The following CCDC149 variants were observed in gnomAD, a reference collection of about 807,000 sequenced individuals.
The protein encoded by CCDC149 is coiled-coil domain containing 149.
A neutral mutation model predicts 59.9 loss-of-function variants in CCDC149; 45 were observed. The ratio of observed to expected loss-of-function variants is 0.75; its 90% CI spans 0.59 to 0.96. CCDC149 has a LOEUF of 0.96. CCDC149 is among the 40% of genes least tolerant of loss of function. The pLI is 0.00. For missense variants in CCDC149, 584 were observed against 664.7 expected (o/e 0.88, Z 1.33); for synonymous variants, 245 against 260.6 (o/e 0.94, Z 0.58).
At chr4:24,833,096 T>C (rs1333871566) in intron 8 of CCDC149, among the ~76,000 whole-genome samples, 1 of 152,094 alleles carries the variant, frequency 6.6e-6, no homozygotes, top group African/African-American at 2.4e-5. Flanking sequence ...TGCTTTGGGT[T>C]TTTTAAAAGC....
At chr4:24,870,844 C>T (rs1482123219) in intron 3 of CCDC149, among the ~76,000 whole-genome samples, 1 of 151,848 alleles carries the variant, frequency 6.6e-6, no homozygotes, top group African/African-American at 2.4e-5. Flanking sequence ...AGATAAATTT[C>T]CCCATCCTGG....
intron 1 of CCDC149, among the ~76,000 whole-genome samples, chr4:24,929,654 T>C (rs1722529010): frequency 1.3e-5 from 2 of 152,196 alleles, no homozygotes; most frequent in South Asian, 4.1e-4. Flanking sequence ...ATCTCTGACT[T>C]TCTGTCCTAA....
intron 1 of CCDC149, among the ~76,000 whole-genome samples, chr4:24,889,822 T>A (rs1053580706): frequency 2.0e-5 from 3 of 152,182 alleles, no homozygotes; most frequent in African/African-American, 7.2e-5. Flanking sequence ...ATTTTATCTG[T>A]CTCAGTAGAA....
intron 1 of CCDC149, among the ~76,000 whole-genome samples, chr4:24,910,457 G>C (rs1721811398): frequency 6.6e-6 from 1 of 152,058 alleles, no homozygotes; most frequent in Non-Finnish European, 1.5e-5. Flanking sequence ...GAGGTGGGGG[G>C]AGCAGGATAC....
chr4:24,835,217 T>C (rs548394913), intron 7 of CCDC149, among the ~76,000 whole-genome samples, 185 bp from the exon 8 acceptor site: 1 of 152,306 alleles, frequency 6.6e-6, no homozygotes, highest in African/African-American at 2.4e-5. Flanking sequence ...AGAAGTTTGT[T>C]TGTTTGTTTT....
chr4:24,959,281 G>GT (rs1560269796), intron 1 of CCDC149, among the ~76,000 whole-genome samples: 1 of 151,836 alleles, frequency 6.6e-6, no homozygotes, highest in African/African-American at 2.4e-5. Flanking sequence ...GTCAAAAAAA[G>GT]TTTTTTTAAT....
intron 3 of CCDC149, among the ~76,000 whole-genome samples, chr4:24,858,775 G>A (rs1233206388): frequency 2.6e-4 from 39 of 152,172 alleles, no homozygotes; most frequent in Non-Finnish European, 1.5e-4. Flanking sequence ...TACAAATACT[G>A]ACAGCTGTTG....
chr4:24,838,648 A>C (rs983781351), intron 4 of CCDC149, among the ~76,000 whole-genome samples: 31 of 152,166 alleles, frequency 2.0e-4, no homozygotes, highest in African/African-American at 7.0e-4. Context: ...TGACATTATC[A>C]AGAGCCTTAA....
intron 1 of CCDC149, among the ~76,000 whole-genome samples, chr4:24,894,555 T>C (rs1394842930): frequency 6.6e-6 from 1 of 152,102 alleles, no homozygotes; most frequent in Non-Finnish European, 1.5e-5. Flanking sequence ...AATGTCATCT[T>C]AAAAGAACCT....
At chr4:24,938,213 G>A (rs796867593) in intron 1 of CCDC149, among the ~76,000 whole-genome samples, 12 of 152,272 alleles carry the variant, frequency 7.9e-5, no homozygotes, top group African/African-American at 2.6e-4. Context: ...AAAGAGAAAC[G>A]ACAGAGAGCC....
At chr4:24,811,206 T>C (rs963722435) in intron 12 of CCDC149, among the ~76,000 whole-genome samples, 2 of 152,228 alleles carry the variant, frequency 1.3e-5, no homozygotes, top group African/African-American at 2.4e-5. Context: ...TCCTATTTTA[T>C]AAAACAAGAT....
chr4:24,839,845 G>A (rs563232733), intron 4 of CCDC149, among the ~76,000 whole-genome samples: 86 of 152,154 alleles, frequency 5.7e-4, no homozygotes, highest in East Asian at 1.9e-4. Context: ...ACACCTCCCC[G>A]TAGGGCAGAT....
At chr4:24,858,610 G>A (rs1253830284) in intron 3 of CCDC149, among the ~76,000 whole-genome samples, 3 of 152,192 alleles carry the variant, frequency 2.0e-5, no homozygotes, top group African/African-American at 4.8e-5. Flanking sequence ...AGGCCGAAAG[G>A]ATATGACAGC....
intron 1 of CCDC149, among the ~76,000 whole-genome samples, chr4:24,946,779 A>T (rs1182768617): frequency 6.6e-6 from 1 of 152,186 alleles, no homozygotes; most frequent in Non-Finnish European, 1.5e-5. Context: ...CAGCTTTGTG[A>T]TTAGTCTAAA....
chr4:24,874,861 T>C (rs1719310415), intron 2 of CCDC149, among the ~76,000 whole-genome samples: 1 of 152,198 alleles, frequency 6.6e-6, no homozygotes, highest in Non-Finnish European at 1.5e-5. Flanking sequence ...AAAACTAGCA[T>C]TATGCAGTTG....
At chr4:24,875,503 ATT>A (rs34722418) in intron 2 of CCDC149, among the ~76,000 whole-genome samples, 11 of 144,158 alleles carry the variant, frequency 7.6e-5, no homozygotes, top group African/African-American at 2.0e-4. Context: ...TTCTCCATGA[ATT>A]TTTTTTTTTT....
intron 1 of CCDC149, among the ~76,000 whole-genome samples, chr4:24,892,705 G>A (rs1720600710): frequency 6.6e-6 from 1 of 152,138 alleles, no homozygotes; most frequent in Non-Finnish European, 1.5e-5. Context: ...CAGTGAGATG[G>A]AAGCAACAGT....
At position 24,942,222 on chromosome 4, in the gene CCDC149, G is replaced by A. The variant is rs1174265069; in HGVS notation, c.-65+37847C>T. Among the ~76,000 whole-genome samples, 7 of 152,232 alleles carry A rather than the reference G, an allele frequency of 4.6e-5. No homozygotes were observed. The East Asian group carries it at 1.3e-3, about 29-fold the overall frequency. ...CATGATCAAGTGGGCTTCATCCCTG[G>A]GATGCAAGGCTGGTTCAACATACAA... is the stretch of plus-strand genomic sequence containing the variant. On this transcript the variant is annotated intron_variant, in intron 1 of 12. Coordinates refer to the CCDC149 transcript ENST00000389609.
chr4:24,844,879 G>A (rs800460), intron 4 of CCDC149, among the ~76,000 whole-genome samples: 74,430 of 152,036 alleles, frequency 0.49, 20,201 homozygotes, highest in Non-Finnish European at 0.61. Context: ...GCCATGCCAT[G>A]CACTATCCTA....
Sources: allele counts gnomAD v4.1 joint callset (sites outside exome capture counted in the v4.1 genomes callset), GRCh38; gene constraint gnomAD v4.1.1; transcripts MANE v1.5; gene names NCBI Gene and HGNC (gene_info 2026-07-23, HGNC 2026-07-21).